Variants in APAF1 observed in about 807,000 individuals in gnomAD.
The protein encoded by APAF1 is apoptotic peptidase activating factor 1.
Under a neutral mutation model 152.4 loss-of-function variants are expected in APAF1, and 91 were observed. That is an observed-to-expected ratio of 0.60 (90% confidence interval 0.50 to 0.71). APAF1 has a LOEUF of 0.71. Among genes scored for constraint, APAF1 ranks in the 30% least tolerant of loss-of-function variants. The pLI is 0.00. For missense variants in APAF1, 1,283 were observed against 1,472.0 expected (o/e 0.87, Z 2.10); for synonymous variants, 484 against 494.1 (o/e 0.98, Z 0.27).
At chr12:98,731,191 A>G (rs944702246) in intron 26 of APAF1, among the ~76,000 whole-genome samples, 19 of 152,202 alleles carry the variant, frequency 1.2e-4, no homozygotes, top group African/African-American at 4.6e-4. Context: ...TGTAATGATA[A>G]TACCTAACTC....
intron 22 of APAF1, among the ~76,000 whole-genome samples, chr12:98,720,454 C>T (rs746876526): frequency 6.6e-6 from 1 of 152,234 alleles, no homozygotes; most frequent in Middle Eastern, 3.4e-3. Flanking sequence ...TTTGTATCCC[C>T]AAAGCCTGGA....
At chr12:98,692,576 T>A (rs986184579) in intron 16 of APAF1, among the ~76,000 whole-genome samples, 1 of 152,148 alleles carries the variant, frequency 6.6e-6, no homozygotes, top group Non-Finnish European at 1.5e-5. Flanking sequence ...CCCCAGCATT[T>A]ATTGTTCTTA....
At chr12:98,688,606 A>C (rs1056618711) in intron 16 of APAF1, among the ~76,000 whole-genome samples, 6 of 149,362 alleles carry the variant, frequency 4.0e-5, no homozygotes, top group African/African-American at 1.5e-4. Context: ...AAGTAACTGG[A>C]ATCACAAGCA....
At chr12:98,694,005 A>G (rs140453549) in intron 16 of APAF1, among the ~76,000 whole-genome samples, 3 of 152,278 alleles carry the variant, frequency 2.0e-5, no homozygotes, top group African/African-American at 4.8e-5. Flanking sequence ...TAGTTTAACA[A>G]GGCCAACAAA....
At chr12:98,690,635 T>G (rs1308889861) in intron 16 of APAF1, among the ~76,000 whole-genome samples, 1 of 152,214 alleles carries the variant, frequency 6.6e-6, no homozygotes, top group Non-Finnish European at 1.5e-5. Flanking sequence ...CTAGGCCATT[T>G]ATGTGTTGTA....
chr12:98,667,765 ATTTTTTTTT>A, intron 10 of APAF1, 121 bp downstream of exon 10: 2 of 321,394 alleles, frequency 6.2e-6, no homozygotes, highest in South Asian at 2.6e-5. Context: ...TTTCCATTTG[ATTTTTTTTT>A]TTTTTTTTTT....
chr12:98,649,207 T>C, intron 3 of APAF1: 1 of 983,766 alleles, frequency 1.0e-6, no homozygotes, highest in Non-Finnish European at 1.2e-6. Flanking sequence ...CAGTCTTCAA[T>C]ATGAGAGGGA....
intron 16 of APAF1, among the ~76,000 whole-genome samples, chr12:98,697,696 A>G (rs775677161): frequency 2.0e-5 from 3 of 152,164 alleles, no homozygotes; most frequent in Non-Finnish European, 4.4e-5. Context: ...AGTCAGTATC[A>G]TTGGTTGGTT....
chr12:98,659,484 G>A (rs2097662036), intron 5 of APAF1, 141 bp downstream of exon 5: 5 of 924,104 alleles, frequency 5.4e-6, no homozygotes, highest in Admixed American at 2.0e-5. Context: ...AGGTGCAGTG[G>A]CTCACGCCTG....
chr12:98,719,980 T>C (rs1390183067), intron 22 of APAF1, among the ~76,000 whole-genome samples: 1 of 152,216 alleles, frequency 6.6e-6, no homozygotes, highest in Non-Finnish European at 1.5e-5. Flanking sequence ...AATTTGGCTT[T>C]AGTACAGAAA....
chr12:98,729,680 G>C (rs986607625), intron 26 of APAF1, among the ~76,000 whole-genome samples: 3 of 152,158 alleles, frequency 2.0e-5, no homozygotes, highest in African/African-American at 7.2e-5. Flanking sequence ...ATTTCTTACT[G>C]AAAACATTCA....
chr12:98,649,438 A>G, intron 3 of APAF1, 49 bp from the exon 4 acceptor site: 1 of 1,589,638 alleles, frequency 6.3e-7, no homozygotes, highest in Non-Finnish European at 8.6e-7. Flanking sequence ...TACTTCAGTA[A>G]TTATTCCAAA....
At chr12:98,655,255 C>T (rs1261616852) in intron 4 of APAF1, among the ~76,000 whole-genome samples, 3 of 147,860 alleles carry the variant, frequency 2.0e-5, no homozygotes, top group African/African-American at 5.0e-5. Flanking sequence ...GGCAACCATC[C>T]GATTTCTCAA....
At chr12:98,666,103 C>T in intron 8 of APAF1, 87 bp from the exon 9 acceptor site, 1 of 1,266,484 alleles carries the variant, frequency 7.9e-7, no homozygotes, top group Non-Finnish European at 1.2e-6. Flanking sequence ...CTTTAAGATA[C>T]CGTTTTTTTG....
Position 98,645,375 on chromosome 12 carries a change from A to G in APAF1, c.-502A>G, listed in dbSNP as rs1487664831. 6.6e-6 allele frequency: 1 copy of G among 152,276 alleles called. No homozygotes were observed. The highest frequency in any genetic ancestry group is 1.5e-5 in the Non-Finnish European group (1 of 68,090). The allele number at this position is 152,276 out of a possible 1,614,324, so 9.4% of individuals were successfully genotyped here. ...AGAACCAGAGGTGGGGAGTCTGGGC[A>G]GTCGGCGACCCGCGAAGACTTGAGG... On this transcript the variant is annotated 5_prime_UTR_variant, in exon 1 of 27. Coordinates refer to ENST00000551964, the MANE Select transcript of APAF1 (RefSeq NM_181861.2).
chr12:98,732,638 T>C lies in APAF1; in HGVS notation c.*72T>C. 1 of 1,026,284 alleles carries C rather than the reference T, an allele frequency of 9.7e-7. No homozygotes were observed. Among genetic ancestry groups the C allele is most frequent in the South Asian group, 1.4e-5 (1 of 69,160 alleles). The allele number at this position is 1,026,284 out of a possible 1,614,324, so 63.6% of individuals were successfully genotyped here. A position where few individuals can be genotyped will look rare whatever the true frequency, so the allele number is the denominator to read the frequency against. ...GAAAAAAATTCTAATGAAACCCTGA[T>C]ATCAACTTTTTATAAAGCTCTTAAT... On this transcript the variant is annotated 3_prime_UTR_variant, in exon 27 of 27. Transcript: ENST00000551964.
intron 10 of APAF1, among the ~76,000 whole-genome samples, chr12:98,669,256 G>A (rs937393289): frequency 1.4e-4 from 22 of 152,030 alleles, no homozygotes; most frequent in Non-Finnish European, 2.1e-4. Context: ...GGCAAATTCC[G>A]AGAAGTAGAA....
chr12:98,682,210 C>G (rs1423062156), intron 14 of APAF1, among the ~76,000 whole-genome samples: 1 of 152,018 alleles, frequency 6.6e-6, no homozygotes, highest in African/African-American at 2.4e-5. Context: ...GCCGCCACCG[C>G]GCCTGGCTAA....
intron 24 of APAF1, among the ~76,000 whole-genome samples, chr12:98,724,303 C>T (rs2097747245): frequency 6.6e-6 from 1 of 152,090 alleles, no homozygotes. Flanking sequence ...TTGTCACCAC[C>T]CTGAAGAGCA....
Sources: gnomAD v4.1 joint callset for allele counts (sites outside exome capture counted in the v4.1 genomes callset) on GRCh38, gnomAD v4.1.1 for gene constraint, MANE v1.5 for transcripts, NCBI Gene and HGNC (gene_info 2026-07-23, HGNC 2026-07-21) for gene names.